The following SCAF1 variants were observed in gnomAD, a reference collection of about 807,000 sequenced individuals.
SCAF1 encodes the protein SR-related CTD associated factor 1.
In SCAF1, 28 loss-of-function variants were observed where a neutral mutation model predicts 91.2. That is an observed-to-expected ratio of 0.31 (90% CI 0.23 to 0.42). The LOEUF is 0.42. SCAF1 is among the 10% of genes least tolerant of loss of function. The pLI, the probability that SCAF1 is intolerant of heterozygous loss-of-function variation, is 1.00. For missense variants in SCAF1, 1,893 were observed against 1,872.1 expected, an observed-to-expected ratio of 1.01 and a Z score of -0.21; for synonymous variants, 1,036 against 833.7, an observed-to-expected ratio of 1.24 and a Z score of -4.18.
chr19:49,646,785 C>A lies in SCAF1; in HGVS notation c.433C>A (p.Pro145Thr). Residue 145 changes from proline to threonine, a missense_variant, in exon 6 of 11, where the codon CCC becomes ACC. Coordinates refer to ENST00000360565, the MANE Select transcript of SCAF1 (RefSeq NM_021228.3). This position sits in a 1 kb window ranked among gnomAD's most constrained non-coding sequence, Gnocchi z 5.6. ...GDRDPIPLPVPSLLPRLRAWR... is the reference protein window; with the variant it reads ...GDRDPIPLPVTSLLPRLRAWR... Reference sequence around the variant, plus strand: ...CAGAGATCCCATCCCTCTGCCTGTGCCCAGCCTGCTGCCCCGTCTCAGGGC... The same window carrying A: ...CAGAGATCCCATCCCTCTGCCTGTGACCAGCCTGCTGCCCCGTCTCAGGGC... 1 of 1,613,692 alleles carries A rather than the reference C, an allele frequency of 6.2e-7. No individual in the cohort carries two copies. The highest frequency in any genetic ancestry group is 1.3e-5 in the African/African-American group (1 of 75,028).
Position 49,652,431 on chromosome 19 carries a change from G to A in SCAF1, c.2042G>A (p.Arg681His), listed in dbSNP as rs1284541166. ...ACCTCGTGTGGTGACCGCGACAGCC[G>A]CCGCCGGGGGGCCGTGCCACCCTCC... The part of the protein sequence containing the change: ...GSTSCGDRDS[R>H]RRGAVPPSIQ... Residue 681 changes from arginine to histidine, a missense_variant, in exon 7 of 11, where the codon CGC becomes CAC. Arg to His is a conservative substitution (Grantham distance 29, BLOSUM62 0). Coordinates refer to ENST00000360565, the MANE Select transcript of SCAF1 (RefSeq NM_021228.3). 3 of 1,599,066 alleles carry A rather than the reference G, an allele frequency of 1.9e-6. No homozygotes were observed. Among genetic ancestry groups the A allele is most frequent in the African/African-American group, 1.3e-5 (1 of 74,756 alleles).
In SCAF1 at chr19:49,646,196, G is replaced by A. The variant is rs371485826; in HGVS notation, c.255G>A (p.Thr85=). The A allele has an allele frequency of 2.9e-5, 47 of 1,606,892 alleles. 1 individual carries two copies. Among genetic ancestry groups the A allele is most frequent in the East Asian group, 1.8e-4 (8 of 44,852 alleles). The change falls in exon 4 of 11, where the codon ACG becomes ACA. Residue 85 remains threonine, a synonymous_variant. Transcript: ENST00000360565. The surrounding 1 kb of genome is among the most constrained non-coding windows in gnomAD (Gnocchi z 5.6). ...CCCAGGAATCAGGGGGCACTGACAC[G>A]GCTACTGTGAGTAAGAAGAGGGGGC... ...PRSQESGGTD[T]ATVLDMATDS...
At chr19:49,643,355 T>A (rs966475214) in intron 1 of SCAF1, among the ~76,000 whole-genome samples, 2 of 152,214 alleles carry the variant, frequency 1.3e-5, no homozygotes, top group African/African-American at 4.8e-5. Context: ...TATAACATAA[T>A]GTATTAACAT....
Position 49,646,012 on chromosome 19 carries a change from G to C in SCAF1, c.167-96G>C, listed in dbSNP as rs34074594. ...GGAGAGCATGCGGGAGGCTGGTTCCGCTGTCAGGAACTAGATCAAGCTCCT... is the reference window on the plus strand; with the variant it reads ...GGAGAGCATGCGGGAGGCTGGTTCCCCTGTCAGGAACTAGATCAAGCTCCT... On this transcript the variant is annotated intron_variant, in intron 3 of 10. Coordinates refer to ENST00000360565, the MANE Select transcript of SCAF1 (RefSeq NM_021228.3). This position sits in a 1 kb window ranked among gnomAD's most constrained non-coding sequence, Gnocchi z 5.6. 1 of 1,151,798 alleles carries C rather than the reference G, an allele frequency of 8.7e-7. No homozygotes were observed. The highest frequency in any genetic ancestry group is 2.4e-5 in the East Asian group (1 of 41,694). The allele number at this position is 1,151,798 out of a possible 1,614,324, so 71.3% of individuals were successfully genotyped here. A position where few individuals can be genotyped will look rare whatever the true frequency, so the allele number is the denominator to read the frequency against.
At position 49,658,543 on chromosome 19, in the gene SCAF1, C is replaced by T. The variant is rs1303729572; in HGVS notation, c.*144C>T. On this transcript the variant is annotated 3_prime_UTR_variant, in exon 11 of 11. Transcript: ENST00000360565. ...GAGGAGAGCCCCCTGCCCTGCCCTG[C>T]CCCGTGTCCACCTCCCTTGCCCCCA... is the stretch of plus-strand genomic sequence containing the variant. The T allele has an allele frequency of 3.2e-6, 2 of 622,422 alleles. No homozygotes were observed. The highest frequency in any genetic ancestry group is 5.7e-5 in the Admixed American group (2 of 35,174). 38.6% of individuals were successfully genotyped at this position (622,422 alleles called of 1,614,324 possible).
chr19:49,652,377 C>T lies in SCAF1; in HGVS notation c.1988C>T (p.Pro663Leu), dbSNP rs770188934. The T allele has an allele frequency of 3.2e-6, 5 of 1,544,448 alleles. No homozygotes were observed. The highest frequency in any genetic ancestry group is 1.4e-5 in the African/African-American group (1 of 72,880). The change falls in exon 7 of 11, where the codon CCG (proline) becomes CTG (leucine). Residue 663 changes from proline to leucine, a missense_variant. Physicochemically the swap from Pro to Leu is moderately conservative, Grantham distance 98. Around this residue, in one of 5 missense-constraint regions of SCAF1, gnomAD observed 1,436 missense variants for 1,306.8 expected, o/e 1.10. Coordinates refer to ENST00000360565, the MANE Select transcript of SCAF1 (RefSeq NM_021228.3). ...TCTGGGGATGGCAGCGAGAAGGCCC[C>T]GGCGCCCGCCCCGCCGCCCTCTGGC... is the stretch of plus-strand genomic sequence containing the variant. ...KRSGDGSEKA[P>L]APAPPPSGST...
Position 49,652,579 on chromosome 19 carries a change from C to G in SCAF1, c.2190C>G (p.Val730=). The change falls in exon 7 of 11, where the codon GTC becomes GTG. Residue 730 remains valine, a synonymous_variant. Transcript: ENST00000360565. ...PAPASSPKRE[V]LYDSEGLSGE... ...CGGCCTCCTCACCTAAGCGGGAGGTCCTGTACGACTCCGAGGGACTGAGCG... is the reference window on the plus strand; with the variant it reads ...CGGCCTCCTCACCTAAGCGGGAGGTGCTGTACGACTCCGAGGGACTGAGCG... 1.3e-6 allele frequency: 2 copies of G among 1,570,972 alleles called. No individual in the cohort carries two copies. The highest frequency in any genetic ancestry group is 1.7e-6 in the Non-Finnish European group (2 of 1,157,800).
chr19:49,641,285 A>G (rs571017690), upstream of SCAF1, among the ~76,000 whole-genome samples: 2 of 152,246 alleles, frequency 1.3e-5, no homozygotes, highest in African/African-American at 4.8e-5. Flanking sequence ...CGAGGCGGCT[A>G]TGGGGTCGGG....
rs750633671 is a variant in SCAF1, at chr19:49,652,337, C to T, written c.1948C>T (p.Arg650Trp). The change falls in exon 7 of 11, where the codon CGG becomes TGG. Residue 650 changes from arginine (R) to tryptophan (W), a missense_variant. This residue lies in a region of SCAF1 where 1,436 missense variants were observed against 1,306.8 expected (regional missense o/e 1.10). Transcript: ENST00000360565. ...SKKKKKRSRSRGEKRSGDGSE... is the reference protein window; with the variant it reads ...SKKKKKRSRSWGEKRSGDGSE... ...GAAGAAGAAGAAGCGGTCGCGGTCC[C>T]GGGGTGAGAAGCGGTCTGGGGATGG... The T allele has an allele frequency of 9.6e-5, 148 of 1,536,858 alleles. No homozygotes were observed. Among genetic ancestry groups the T allele is most frequent in the Middle Eastern group, 3.4e-4 (2 of 5,908 alleles).
In SCAF1 at chr19:49,658,204, C is replaced by A; in HGVS notation, c.3748-4C>A. 6.2e-7 allele frequency: 1 copy of A among 1,610,448 alleles called. No homozygotes were observed. Among genetic ancestry groups the A allele is most frequent in the Non-Finnish European group, 8.5e-7 (1 of 1,177,554 alleles). The stretch of plus-strand genomic sequence containing the variant: ...GGTGACTCCAACTGTCCCCGGCCCC[C>A]CAGATCTGCCACAGCAAAAGTGGGG... On this transcript the variant is annotated splice_region_variant and splice_polypyrimidine_tract_variant and intron_variant, in intron 10 of 10. Transcript: ENST00000360565.
In SCAF1 at chr19:49,645,526, G is replaced by C; in HGVS notation, c.166+115G>C. On this transcript the variant is annotated intron_variant, in intron 3 of 10. Coordinates refer to ENST00000360565, the MANE Select transcript of SCAF1 (RefSeq NM_021228.3). This position sits in a 1 kb window ranked among gnomAD's most constrained non-coding sequence, Gnocchi z 4.6. ...TGGGTGCCACCCTTGTGCTGGCATG[G>C]GGAGCCAAAAATGGGCAGACACCCT... 8.7e-7 allele frequency: 1 copy of C among 1,144,324 alleles called. No individual in the cohort carries two copies. Among genetic ancestry groups the C allele is most frequent in the South Asian group, 1.5e-5 (1 of 67,412 alleles). The allele number at this position is 1,144,324 out of a possible 1,614,324, so 70.9% of individuals were successfully genotyped here.
At chr19:49,654,266 C>T (rs536419508) in intron 7 of SCAF1, 83 bp from the exon 8 acceptor site, 2 of 1,179,632 alleles carry the variant, frequency 1.7e-6, no homozygotes, top group South Asian at 1.3e-5. Context: ...CAGGAGATGA[C>T]AGCAGGTGTC....
chr19:49,649,121 ATAG>A (rs1169209326), intron 6 of SCAF1, among the ~76,000 whole-genome samples: 1 of 152,174 alleles, frequency 6.6e-6, no homozygotes, highest in African/African-American at 2.4e-5. Context: ...CCGGAAGCTA[ATAG>A]TAGTTGTTTT....
intron 9 of SCAF1, among the ~76,000 whole-genome samples, chr19:49,656,114 G>T (rs562518791): frequency 6.6e-6 from 1 of 152,370 alleles, no homozygotes; most frequent in South Asian, 2.1e-4. Flanking sequence ...CTGCAGTTTA[G>T]TCGGTCACTT....
At chr19:49,648,699 ACGGTGGCTCACGC>A (rs1372843767) in intron 6 of SCAF1, among the ~76,000 whole-genome samples, 3 of 151,622 alleles carry the variant, frequency 2.0e-5, no homozygotes, top group Non-Finnish European at 4.4e-5. Context: ...AGGGCTGGGC[ACGGTGGCTCACGC>A]CTGTAATCCC....
chr19:49,653,380 C>T lies in SCAF1; in HGVS notation c.2991C>T (p.Ser997=). The change falls in exon 7 of 11, where the codon AGC becomes AGT. Residue 997 remains serine, a synonymous_variant. Coordinates refer to ENST00000360565, the MANE Select transcript of SCAF1 (RefSeq NM_021228.3). ...CTCCGGACTCGCAGACCGTGGACAGCAGCTGCAAGACACCTGAGGTCTCCT... is the reference window on the plus strand; with the variant it reads ...CTCCGGACTCGCAGACCGTGGACAGTAGCTGCAAGACACCTGAGGTCTCCT... ...ALTPDSQTVD[S]SCKTPEVSFL... is the part of the protein sequence containing the mutation. 6.6e-7 allele frequency: 1 copy of T among 1,524,926 alleles called. No individual in the cohort carries two copies. The highest frequency in any genetic ancestry group is 8.8e-7 in the Non-Finnish European group (1 of 1,133,878). 94.5% of individuals were successfully genotyped at this position (1,524,926 alleles called of 1,614,324 possible).
In SCAF1 at chr19:49,646,774, C is replaced by T. The variant is rs866057549; in HGVS notation, c.422C>T (p.Pro141Leu). ...EVRIGDRDPI[P>L]LPVPSLLPRL... ...CGAATCGGGGACAGAGATCCCATCC[C>T]TCTGCCTGTGCCCAGCCTGCTGCCC... Residue 141 changes from proline (P) to leucine (L), a missense_variant, in exon 6 of 11, where the codon CCT becomes CTT. Physicochemically the swap from Pro to Leu is moderately conservative, Grantham distance 98. Around this residue, in one of 5 missense-constraint regions of SCAF1, gnomAD observed 270 missense variants for 292.5 expected, o/e 0.92. Coordinates refer to ENST00000360565, the MANE Select transcript of SCAF1 (RefSeq NM_021228.3). This position sits in a 1 kb window ranked among gnomAD's most constrained non-coding sequence, Gnocchi z 5.6. 6.2e-7 allele frequency: 1 copy of T among 1,613,886 alleles called. No homozygotes were observed.
chr19:49,653,854 AG>A (rs1171993177), intron 7 of SCAF1, 149 bp downstream of exon 7: 19 of 732,384 alleles, frequency 2.6e-5, no homozygotes, highest in African/African-American at 5.5e-5. Flanking sequence ...AAGGCCAGCC[AG>A]GCTCTAGGTG....
chr19:49,644,704 G>A (rs970507967), intron 1 of SCAF1: 8 of 235,592 alleles, frequency 3.4e-5, no homozygotes, highest in Non-Finnish European at 5.8e-5. Flanking sequence ...TTGAAGTTTG[G>A]ATAGGTTGTT....
Sources: gnomAD v4.1 joint callset for allele counts (sites outside exome capture counted in the v4.1 genomes callset) on GRCh38, gnomAD v4.1.1 for gene constraint, gnomAD v4.1.1 regional missense constraint, Gnocchi (gnomAD v3.1) non-coding constraint, MANE v1.5 for transcripts, NCBI Gene and HGNC (gene_info 2026-07-23, HGNC 2026-07-21) for gene names.